MAOA: variants seen among roughly 807,000 people sequenced by gnomAD.
MAOA encodes amine oxidase [flavin-containing] A.
Under a neutral mutation model 42.0 loss-of-function variants are expected in MAOA, and 6 were observed. That is an observed-to-expected ratio of 0.14 (90% CI 0.08 to 0.28). The LOEUF is 0.28. Among genes scored for constraint, MAOA ranks in the 10% least tolerant of loss-of-function variants. The pLI is 1.00. For missense variants in MAOA, 262 were observed against 422.3 expected (o/e 0.62, Z 3.33); for synonymous variants, 140 against 154.0 (o/e 0.91, Z 0.67).
chrX:43,739,870 T>C (rs2033947087), intron 10 of MAOA, among the ~76,000 whole-genome samples: 2 of 112,708 alleles, frequency 1.8e-5, no homozygotes, highest in Admixed American at 9.4e-5. Flanking sequence ...CATTAATTTC[T>C]AAAACAGGTG....
At chrX:43,672,128 G>A (rs1283287179) in intron 1 of MAOA, among the ~76,000 whole-genome samples, 2 of 111,292 alleles carry the variant, frequency 1.8e-5, no homozygotes, top group African/African-American at 3.3e-5. Flanking sequence ...TTGAGCAGTG[G>A]TTTGTAGTAC....
At chrX:43,682,171 G>A (rs776517190) in intron 1 of MAOA, among the ~76,000 whole-genome samples, 36 of 111,687 alleles carry the variant, frequency 3.2e-4, no homozygotes, top group African/African-American at 9.8e-4. Context: ...GTGAGCCACC[G>A]TGCCTGGCCT....
intron 2 of MAOA, among the ~76,000 whole-genome samples, chrX:43,692,000 G>GACAC (rs753022851): frequency 0.26 from 16,811 of 64,794 alleles, 1,349 homozygotes; most frequent in East Asian, 0.51. Flanking sequence ...GCACTGTATA[G>GACAC]ACACACACAC....
intron 3 of MAOA, among the ~76,000 whole-genome samples, chrX:43,708,949 C>T (rs768745359): frequency 9.0e-6 from 1 of 110,767 alleles, no homozygotes; most frequent in East Asian, 2.9e-4. Context: ...CAACCTCTGC[C>T]TCCTGGGTTC....
At chrX:43,711,281 G>A (rs1007153923) in intron 3 of MAOA, among the ~76,000 whole-genome samples, 16 of 112,476 alleles carry the variant, frequency 1.4e-4, no homozygotes, top group Admixed American at 3.8e-4. Flanking sequence ...TACCAGGAAA[G>A]GGGAATGGAT....
upstream of MAOA, chrX:43,655,102 C>G (rs2033164774): frequency 8.6e-6 from 1 of 115,978 alleles, no homozygotes; most frequent in South Asian, 2.9e-4. Flanking sequence ...CCCGGCGGCA[C>G]CGGCACCGGC....
Position 43,678,159 on chromosome X carries a change from C to T in MAOA, c.74-5354C>T, listed in dbSNP as rs978608611. ...AATCTAAATGCTGTGAAACAGTCCC[C>T]GCTTCCCACTGCTGGGCTGGTTGTT... is the stretch of plus-strand genomic sequence containing the variant. On this transcript the variant is annotated intron_variant, in intron 1 of 14. Coordinates refer to ENST00000338702, the MANE Select transcript of MAOA (RefSeq NM_000240.4). 5.9e-4 allele frequency among the ~76,000 whole-genome samples: 66 copies of T among 111,462 alleles called. 1 individual carries two copies. The highest frequency in any genetic ancestry group is 5.7e-4 in the Admixed American group (6 of 10,441).
At chrX:43,724,193 A>G (rs1367098156) in intron 5 of MAOA, among the ~76,000 whole-genome samples, 1 of 111,949 alleles carries the variant, frequency 8.9e-6, no homozygotes, top group Non-Finnish European at 1.9e-5. Flanking sequence ...TGCTGGCCTC[A>G]TAAAATGAGT....
intron 3 of MAOA, among the ~76,000 whole-genome samples, chrX:43,708,813 C>T (rs1399456353): frequency 9.3e-6 from 1 of 107,828 alleles, no homozygotes; most frequent in East Asian, 2.9e-4. Context: ...CAGGTGCCTG[C>T]CACCATGCCC....
intron 1 of MAOA, chrX:43,657,791 C>A: frequency 2.6e-6 from 1 of 386,857 alleles, no homozygotes; most frequent in Non-Finnish European, 3.3e-6. Flanking sequence ...CGAGGAGACT[C>A]TGAACATGCT....
intron 3 of MAOA, among the ~76,000 whole-genome samples, chrX:43,711,331 A>G (rs1410816306): frequency 8.9e-6 from 1 of 112,270 alleles, no homozygotes. Context: ...GATATTCCAC[A>G]CTGCTAATAA....
At chrX:43,665,348 A>G (rs758274942) in intron 1 of MAOA, among the ~76,000 whole-genome samples, 1 of 111,350 alleles carries the variant, frequency 9.0e-6, no homozygotes, top group Non-Finnish European at 1.9e-5. Context: ...AAGGAGAAAC[A>G]GTATATGGTG....
At chrX:43,725,960 G>C (rs1477650694) in intron 5 of MAOA, among the ~76,000 whole-genome samples, 1 of 111,824 alleles carries the variant, frequency 8.9e-6, no homozygotes, top group Non-Finnish European at 1.9e-5. Flanking sequence ...GAAATTCTGG[G>C]TTGAAAATTC....
chrX:43,698,193 G>A (rs1015665650), intron 3 of MAOA, among the ~76,000 whole-genome samples: 1 of 112,183 alleles, frequency 8.9e-6, no homozygotes. Context: ...TTCCCAATGC[G>A]AAACCTTAAA....
chrX:43,664,818 T>G (rs1157336248), intron 1 of MAOA, among the ~76,000 whole-genome samples: 1 of 111,767 alleles, frequency 8.9e-6, no homozygotes, highest in Non-Finnish European at 1.9e-5. Context: ...GAAAATCTGA[T>G]GAAATCTGAT....
intron 2 of MAOA, among the ~76,000 whole-genome samples, chrX:43,685,620 G>A (rs954468381): frequency 9.0e-6 from 1 of 111,481 alleles, no homozygotes; most frequent in African/African-American, 3.3e-5. Context: ...GCTTTGCTCA[G>A]CTCTAAGGGT....
chrX:43,668,789 T>A (rs2033304253), intron 1 of MAOA, among the ~76,000 whole-genome samples: 1 of 112,090 alleles, frequency 8.9e-6, no homozygotes, highest in Non-Finnish European at 1.9e-5. Context: ...AGGAATTTCC[T>A]GGCAAGCTGG....
chrX:43,678,039 A>G (rs770677904), intron 1 of MAOA, among the ~76,000 whole-genome samples: 1 of 112,290 alleles, frequency 8.9e-6, no homozygotes, highest in East Asian at 2.8e-4. Context: ...AATGATGATC[A>G]TAAACACTTG....
rs1420246129 is a variant in MAOA at position 43,742,012 on chromosome X, C to T, written c.1227C>T (p.Ala409=). 1 of 1,209,947 alleles carries T rather than the reference C, an allele frequency of 8.3e-7. No individual in the cohort carries two copies. Among genetic ancestry groups the T allele is most frequent in the Admixed American group, 2.2e-5 (1 of 45,712 alleles). Residue 409 remains alanine (A), a synonymous_variant, in exon 12 of 15, where the codon GCC becomes GCT. Coordinates refer to ENST00000338702, the MANE Select transcript of MAOA (RefSeq NM_000240.4). ...AGTACTCTGGGGGCTGCTACACGGC[C>T]TACTTCCCTCCTGGGATCATGACTC... is the stretch of plus-strand genomic sequence containing the variant. ...EEQYSGGCYT[A]YFPPGIMTQY... is the part of the protein sequence containing the mutation.
Sources: gnomAD v4.1 joint callset for allele counts (sites outside exome capture counted in the v4.1 genomes callset) on GRCh38, gnomAD v4.1.1 for gene constraint, MANE v1.5 for transcripts, NCBI Gene and HGNC (gene_info 2026-07-23, HGNC 2026-07-21) for gene names.